NUDT1: variants seen among roughly 807,000 people sequenced by gnomAD.
NUDT1 encodes nudix hydrolase 1, also known as oxidized purine nucleoside triphosphate hydrolase.
In NUDT1, 16 loss-of-function variants were observed where a neutral mutation model predicts 11.3. The ratio of observed to expected loss-of-function variants is 1.41; its 90% CI spans 0.96 to 2.15. The LOEUF (loss-of-function observed/expected upper bound fraction) is 2.15. Ranked by LOEUF, NUDT1 falls within the 30% of genes most tolerant of loss-of-function variation. NUDT1 has a pLI of 0.00. For synonymous variants in NUDT1, 101 were observed against 84.4 expected (o/e 1.20, Z -1.08); for missense variants, 234 against 208.4 (o/e 1.12, Z -0.76).
chr7:2,248,651 A>C (rs1794863332), intron 2 of NUDT1, among the ~76,000 whole-genome samples: 13 of 150,952 alleles, frequency 8.6e-5, no homozygotes, highest in Admixed American at 8.6e-4. Flanking sequence ...TCCTGGGCTC[A>C]AGCATTCCTC....
At chr7:2,242,434 GC>G in intron 1 of NUDT1, 178 bp downstream of exon 1, 1 of 507,942 alleles carries the variant, frequency 2.0e-6, no homozygotes, top group South Asian at 2.8e-5. Flanking sequence ...GGAGAGCGGG[GC>G]CGGGGGTTTG....
intron 2 of NUDT1, among the ~76,000 whole-genome samples, chr7:2,245,499 A>G (rs1169049661): frequency 6.6e-6 from 1 of 152,156 alleles, no homozygotes; most frequent in Non-Finnish European, 1.5e-5. Context: ...GAGTGTACAC[A>G]CTCAGGTGTG....
chr7:2,250,983 C>T lies in NUDT1; in HGVS notation c.453C>T (p.Arg151=), dbSNP rs752521039. The T allele has an allele frequency of 3.0e-5, 48 of 1,613,802 alleles. No individual in the cohort carries two copies. The highest frequency in any genetic ancestry group is 1.6e-4 in the Middle Eastern group (1 of 6,082). Residue 151 remains arginine (R), a synonymous_variant, in exon 4 of 4, where the codon CGC becomes CGT. Coordinates refer to ENST00000356714, the MANE Select transcript of NUDT1 (RefSeq NM_002452.4). The part of the protein sequence containing the change: ...GQDTILDYTL[R]EVDTV ...ACACCATCCTGGACTACACACTCCG[C>T]GAGGTGGACACGGTCTAGCGGGAGC...
Position 2,244,605 on chromosome 7 carries a change from C to T in NUDT1, c.31C>T (p.Leu11=). 1 of 1,611,526 alleles carries T rather than the reference C, an allele frequency of 6.2e-7. No individual in the cohort carries two copies. The highest frequency in any genetic ancestry group is 8.5e-7 in the Non-Finnish European group (1 of 1,178,498). Residue 11 remains leucine (L), a synonymous_variant, in exon 2 of 4, where the codon CTG becomes TTG. Transcript: ENST00000356714. The part of the protein sequence containing the change: MGASRLYTLV[L]VLQPQRVLLG... ...CGCCTCCAGGCTCTATACCCTGGTGCTGGTCCTGCAGCCTCAGCGAGTTCT... is the reference window on the plus strand; with the variant it reads ...CGCCTCCAGGCTCTATACCCTGGTGTTGGTCCTGCAGCCTCAGCGAGTTCT...
rs560659952 is a variant in NUDT1 at position 2,246,163 on chromosome 7, C to T, written c.152+1437C>T. ...TGCCCAGCCCTTTGTCTTTGATCTGCTAAGACTGCCCATCAGCTCATGGAT... is the reference window on the plus strand; with the variant it reads ...TGCCCAGCCCTTTGTCTTTGATCTGTTAAGACTGCCCATCAGCTCATGGAT... On this transcript the variant is annotated intron_variant, in intron 2 of 3. Coordinates refer to ENST00000356714, the MANE Select transcript of NUDT1 (RefSeq NM_002452.4). Among the ~76,000 whole-genome samples, 3 of 152,314 alleles carry T rather than the reference C, an allele frequency of 2.0e-5. No homozygotes were observed. In the East Asian group the frequency reaches 5.8e-4, roughly 29 times the overall value.
chr7:2,250,810 T>C lies in NUDT1; in HGVS notation c.299-19T>C. 6.2e-7 allele frequency: 1 copy of C among 1,614,040 alleles called. No homozygotes were observed. The highest frequency in any genetic ancestry group is 8.5e-7 in the Non-Finnish European group (1 of 1,179,916). On this transcript the variant is annotated intron_variant, in intron 3 of 3. Coordinates refer to ENST00000356714, the MANE Select transcript of NUDT1 (RefSeq NM_002452.4). ...GTTTGGGTTGCACCTCAGTGCCTCCTCTTCCCCCATTGGTACAGAAATGCG... is the reference window on the plus strand; with the variant it reads ...GTTTGGGTTGCACCTCAGTGCCTCCCCTTCCCCCATTGGTACAGAAATGCG...
chr7:2,245,998 T>G (rs952587357), intron 2 of NUDT1, among the ~76,000 whole-genome samples: 1 of 152,174 alleles, frequency 6.6e-6, no homozygotes, highest in Non-Finnish European at 1.5e-5. Flanking sequence ...CAGGTGCCAG[T>G]GCGACAGGCT....
intron 2 of NUDT1, among the ~76,000 whole-genome samples, chr7:2,248,724 G>T (rs920262185): frequency 2.0e-5 from 3 of 151,852 alleles, no homozygotes; most frequent in Non-Finnish European, 4.4e-5. Context: ...GCTAATTTCT[G>T]TCCTTTTTGT....
At chr7:2,249,371 C>T (rs1794889184) in intron 2 of NUDT1, 1 of 221,776 alleles carries the variant, frequency 4.5e-6, no homozygotes, top group Non-Finnish European at 9.1e-6. Context: ...GAGTATAGGG[C>T]CCAGGTTCCC....
intron 1 of NUDT1, among the ~76,000 whole-genome samples, chr7:2,243,723 C>G (rs1023050386): frequency 2.0e-5 from 3 of 152,154 alleles, no homozygotes; most frequent in Non-Finnish European, 4.4e-5. Flanking sequence ...CAGTGAACCG[C>G]GATCACGCCA....
chr7:2,244,509 C>G (rs956057071), intron 1 of NUDT1, 54 bp from the exon 2 acceptor site: 112 of 1,473,860 alleles, frequency 7.6e-5, no homozygotes, highest in Middle Eastern at 1.9e-4. Context: ...GCCCCTGGCA[C>G]GTGCTTCCTC....
intron 3 of NUDT1, 121 bp from the exon 4 acceptor site, chr7:2,250,708 T>G: frequency 1.3e-6 from 1 of 754,800 alleles, no homozygotes; most frequent in Non-Finnish European, 2.3e-6. Context: ...TCCTCCCGCC[T>G]CGGCCTCCCA....
Position 2,244,716 on chromosome 7 carries a change from G to A in NUDT1, c.142G>A (p.Gly48Arg). 1 of 1,610,028 alleles carries A rather than the reference G, an allele frequency of 6.2e-7. No individual in the cohort carries two copies. Among genetic ancestry groups the A allele is most frequent in the African/African-American group, 1.3e-5 (1 of 75,028 alleles). Reference protein sequence around the residue: ...KVQEGETIEDGARRELQEESG... With the variant: ...KVQEGETIEDRARRELQEESG... ...GCAAGAAGGAGAGACCATCGAGGAT[G>A]GGGCTAGGAGGTAAGGATGGGGCAG... The change falls in exon 2 of 4, where the codon GGG becomes AGG. Residue 48 changes from glycine (G) to arginine (R), a missense_variant. By Grantham distance (125) the Gly-to-Arg change is moderately radical. Coordinates refer to ENST00000356714, the MANE Select transcript of NUDT1 (RefSeq NM_002452.4).
intron 3 of NUDT1, among the ~76,000 whole-genome samples, chr7:2,250,453 G>C (rs913620755): frequency 6.6e-6 from 1 of 151,966 alleles, no homozygotes; most frequent in East Asian, 1.9e-4. Flanking sequence ...ACATGGTTTT[G>C]TTGTTGTTGC....
chr7:2,242,309 G>T (rs1160914905), intron 1 of NUDT1, 53 bp downstream of exon 1: 3 of 795,250 alleles, frequency 3.8e-6, no homozygotes, highest in Non-Finnish European at 5.6e-6. Flanking sequence ...AGGGAGGGGA[G>T]CCGGGCCAGC....
At chr7:2,242,923 A>T (rs918559914) in intron 1 of NUDT1, 2 of 710,590 alleles carry the variant, frequency 2.8e-6, no homozygotes, top group Non-Finnish European at 5.2e-6. Flanking sequence ...CTGTATCCCT[A>T]GGTTTCTTGC....
intron 2 of NUDT1, among the ~76,000 whole-genome samples, chr7:2,247,186 G>A (rs1476145384): frequency 6.6e-6 from 1 of 152,192 alleles, no homozygotes; most frequent in Non-Finnish European, 1.5e-5. Flanking sequence ...GGGAGGCAGG[G>A]AGGAGCGTCG....
At chr7:2,244,388 C>G (rs1794680629) in intron 1 of NUDT1, 175 bp from the exon 2 acceptor site, 2 of 592,418 alleles carry the variant, frequency 3.4e-6, no homozygotes, top group African/African-American at 1.9e-5. Flanking sequence ...ATCACTGGTT[C>G]AATGGCAGTT....
chr7:2,250,976 C>A lies in NUDT1; in HGVS notation c.446C>A (p.Thr149Lys). The A allele has an allele frequency of 6.2e-7, 1 of 1,613,974 alleles. No individual in the cohort carries two copies. The highest frequency in any genetic ancestry group is 8.5e-7 in the Non-Finnish European group (1 of 1,179,942). The change falls in exon 4 of 4, where the codon ACA becomes AAA. Residue 149 changes from threonine to lysine, a missense_variant. Transcript: ENST00000356714. ...GGTCAGGACACCATCCTGGACTACACACTCCGCGAGGTGGACACGGTCTAG... is the reference window on the plus strand; with the variant it reads ...GGTCAGGACACCATCCTGGACTACAAACTCCGCGAGGTGGACACGGTCTAG... ...FQGQDTILDY[T>K]LREVDTV
Sources: gnomAD v4.1 joint callset for allele counts (sites outside exome capture counted in the v4.1 genomes callset) on GRCh38, gnomAD v4.1.1 for gene constraint, MANE v1.5 for transcripts, NCBI Gene and HGNC (gene_info 2026-07-23, HGNC 2026-07-21) for gene names.